The following CNTNAP5 variants were observed in gnomAD, a reference collection of about 807,000 sequenced individuals.
CNTNAP5 encodes the protein contactin-associated protein-like 5.
CNTNAP5 carries 72 observed loss-of-function variants against 150.2 expected under a neutral mutation model. The observed-to-expected ratio is 0.48, with a 90% confidence interval of 0.40 to 0.58. The LOEUF (loss-of-function observed/expected upper bound fraction) is 0.58. CNTNAP5 is among the 20% of genes least tolerant of loss of function. The probability of loss-of-function intolerance (pLI) is 0.00; values close to 1 mark genes in which losing one functional copy is unlikely to be tolerated. For missense variants in CNTNAP5, 1,636 were observed against 1,626.2 expected (o/e 1.01, Z -0.10); for synonymous variants, 672 against 619.8 (o/e 1.08, Z -1.25).
intron 2 of CNTNAP5, among the ~76,000 whole-genome samples, chr2:124,238,736 A>G (rs973865502): frequency 4.6e-5 from 7 of 152,204 alleles, no homozygotes; most frequent in South Asian, 2.1e-4. Flanking sequence ...TATGTATGTT[A>G]TACCCCCAAT....
Position 124,167,486 on chromosome 2 carries a change from A to G in CNTNAP5, c.83-54219A>G, listed in dbSNP as rs139248257. On this transcript the variant is annotated intron_variant, in intron 1 of 23. Transcript: ENST00000682447. ...TCAACACTGCATAAAAATTCTTGAA[A>G]AAAACACTTTTCTCACTGTGTTTTT... is the stretch of plus-strand genomic sequence containing the variant. Among the ~76,000 whole-genome samples, 373 of 152,334 alleles carry G rather than the reference A, an allele frequency of 2.4e-3. 3 individuals carry two copies. Among genetic ancestry groups the G allele is most frequent in the East Asian group, 2.1e-3 (11 of 5,180 alleles).
intron 13 of CNTNAP5, among the ~76,000 whole-genome samples, chr2:124,745,762 C>T (rs962863558): frequency 6.6e-6 from 1 of 152,184 alleles, no homozygotes; most frequent in Admixed American, 6.5e-5. Flanking sequence ...GTTGGGATGA[C>T]TGTAGTCCTC....
intron 10 of CNTNAP5, among the ~76,000 whole-genome samples, chr2:124,555,019 T>G (rs1695718629): frequency 6.6e-6 from 1 of 152,206 alleles, no homozygotes; most frequent in Non-Finnish European, 1.5e-5. Context: ...ATTAAGATTC[T>G]AAGGGTAAGG....
chr2:124,360,624 T>G (rs1690171527), intron 3 of CNTNAP5, among the ~76,000 whole-genome samples: 1 of 136,882 alleles, frequency 7.3e-6, no homozygotes, highest in Non-Finnish European at 1.6e-5. Flanking sequence ...TTTAAGAATG[T>G]TGAATATTGG....
chr2:124,779,865 G>T (rs993909084), intron 17 of CNTNAP5, among the ~76,000 whole-genome samples: 2 of 152,108 alleles, frequency 1.3e-5, no homozygotes, highest in Non-Finnish European at 2.9e-5. Context: ...ATCTCTGTGA[G>T]CACACACAAT....
chr2:124,871,961 AAT>A (rs1467704042), intron 21 of CNTNAP5, among the ~76,000 whole-genome samples: 1 of 151,970 alleles, frequency 6.6e-6, no homozygotes, highest in Non-Finnish European at 1.5e-5. Flanking sequence ...TCTAGATCTA[AAT>A]TATATGAACT....
chr2:124,392,384 T>G (rs1297346303), intron 3 of CNTNAP5, among the ~76,000 whole-genome samples: 1 of 152,178 alleles, frequency 6.6e-6, no homozygotes, highest in Non-Finnish European at 1.5e-5. Flanking sequence ...TTTAAACCAG[T>G]TGTCTTTACA....
Position 124,880,198 on chromosome 2 carries a change from C to T in CNTNAP5, c.3436+10436C>T, listed in dbSNP as rs189064173. Among the ~76,000 whole-genome samples the T allele has an allele frequency of 1.6e-3, 239 of 152,206 alleles. 1 individual carries two copies. Among genetic ancestry groups the T allele is most frequent in the African/African-American group, 5.5e-3 (227 of 41,546 alleles). On this transcript the variant is annotated intron_variant, in intron 21 of 23. Coordinates refer to ENST00000682447, the MANE Select transcript of CNTNAP5 (RefSeq NM_001367498.1). The stretch of plus-strand genomic sequence containing the variant: ...GGAATGATTGTATATGCCATTTATC[C>T]ATTTCTAAGAATGATTTGACCTGAA...
At chr2:124,435,901 C>T (rs1336249588) in intron 5 of CNTNAP5, among the ~76,000 whole-genome samples, 2 of 152,116 alleles carry the variant, frequency 1.3e-5, no homozygotes, top group Non-Finnish European at 2.9e-5. Context: ...ATTAGATATA[C>T]ACACCAAAAT....
chr2:124,513,154 TA>T (rs1234396450), intron 8 of CNTNAP5, among the ~76,000 whole-genome samples: 2 of 152,190 alleles, frequency 1.3e-5, no homozygotes, highest in African/African-American at 4.8e-5. Flanking sequence ...TTTTGGAGGC[TA>T]CAAATCCAGG....
At chr2:124,726,991 C>A (rs1680170062) in intron 13 of CNTNAP5, among the ~76,000 whole-genome samples, 1 of 151,926 alleles carries the variant, frequency 6.6e-6, no homozygotes, top group Admixed American at 6.6e-5. Flanking sequence ...AATTTTTAAT[C>A]AATTTTTAGT....
At chr2:124,385,638 T>C (rs1690908080) in intron 3 of CNTNAP5, among the ~76,000 whole-genome samples, 1 of 152,256 alleles carries the variant, frequency 6.6e-6, no homozygotes, top group African/African-American at 2.4e-5. Context: ...AATCTGCTTT[T>C]ACAGATGTTG....
chr2:124,828,214 G>C (rs1682638821), intron 19 of CNTNAP5, among the ~76,000 whole-genome samples: 1 of 152,134 alleles, frequency 6.6e-6, no homozygotes, highest in African/African-American at 2.4e-5. Flanking sequence ...AGACGCGTTG[G>C]CTCACACCTC....
intron 1 of CNTNAP5, among the ~76,000 whole-genome samples, chr2:124,138,532 A>AT (rs1313525220): frequency 6.6e-6 from 1 of 151,886 alleles, no homozygotes; most frequent in Non-Finnish European, 1.5e-5. Context: ...TTGTTTGTTT[A>AT]TTTTTTTCAC....
At chr2:124,533,303 T>G (rs1014544881) in intron 10 of CNTNAP5, among the ~76,000 whole-genome samples, 3 of 152,140 alleles carry the variant, frequency 2.0e-5, no homozygotes, top group African/African-American at 7.2e-5. Flanking sequence ...CTTTAAATCT[T>G]ATAGGCAAAT....
intron 11 of CNTNAP5, among the ~76,000 whole-genome samples, chr2:124,586,576 C>T (rs1304676282): frequency 3.3e-5 from 5 of 152,220 alleles, no homozygotes; most frequent in Non-Finnish European, 7.3e-5. Flanking sequence ...TAAACTTTCA[C>T]CTCTTTACCT....
chr2:124,874,814 G>A (rs770763398), intron 21 of CNTNAP5, among the ~76,000 whole-genome samples: 4 of 151,998 alleles, frequency 2.6e-5, no homozygotes, highest in Non-Finnish European at 4.4e-5. Flanking sequence ...CTCATGGCAT[G>A]CTGATAGCAT....
At chr2:124,621,722 A>G (rs1432719822) in intron 12 of CNTNAP5, among the ~76,000 whole-genome samples, 4 of 152,160 alleles carry the variant, frequency 2.6e-5, no homozygotes, top group Non-Finnish European at 5.9e-5. Context: ...TGTGGGCTGC[A>G]CCCAGGTCTG....
intron 19 of CNTNAP5, among the ~76,000 whole-genome samples, chr2:124,829,321 C>T (rs1440130384): frequency 2.0e-5 from 3 of 152,128 alleles, no homozygotes; most frequent in Non-Finnish European, 1.5e-5. Context: ...TTTACAGAAC[C>T]AGTATGGATT....
Sources: gnomAD v4.1 joint callset for allele counts (sites outside exome capture counted in the v4.1 genomes callset) on GRCh38, gnomAD v4.1.1 for gene constraint, MANE v1.5 for transcripts, NCBI Gene and HGNC (gene_info 2026-07-23, HGNC 2026-07-21) for gene names.